The following STK39 variants were observed in gnomAD, a reference collection of about 807,000 sequenced individuals.
STK39 encodes the protein STE20/SPS1-related proline-alanine-rich protein kinase.
STK39 carries 20 observed loss-of-function variants against 77.8 expected under a neutral mutation model. That is an observed-to-expected ratio of 0.26 (90% CI 0.18 to 0.37). The LOEUF is 0.37. Among genes scored for constraint, STK39 ranks in the 10% least tolerant of loss-of-function variants. The probability of loss-of-function intolerance (pLI) is 1.00; values close to 1 mark genes in which losing one functional copy is unlikely to be tolerated. For missense variants in STK39, 479 were observed against 656.5 expected, an observed-to-expected ratio of 0.73 and a Z score of 2.95; for synonymous variants, 246 against 234.1, an observed-to-expected ratio of 1.05 and a Z score of -0.47.
chr2:168,003,996 A>G (rs144830119), intron 16 of STK39, among the ~76,000 whole-genome samples: 4 of 152,364 alleles, frequency 2.6e-5, no homozygotes, highest in South Asian at 2.1e-4. Flanking sequence ...TGGATCACTC[A>G]TAACAGACTT....
At position 167,964,485 on chromosome 2, in the gene STK39, A is replaced by T. The variant is rs940764962; in HGVS notation, c.1563+177T>A. ...CTCATAGAAGAGGACACTTCCAGTC[A>T]CAATCAGAAAACGTTCCCTAACGCT... is the stretch of plus-strand genomic sequence containing the variant. On this transcript the variant is annotated intron_variant, in intron 17 of 17. Coordinates refer to ENST00000355999, the MANE Select transcript of STK39 (RefSeq NM_013233.3). 1.7e-5 allele frequency: 10 copies of T among 593,482 alleles called. No homozygotes were observed. The Admixed American group carries it at 2.8e-4, about 17-fold the overall frequency. The allele number at this position is 593,482 out of a possible 1,614,324, so 36.8% of individuals were successfully genotyped here. A position where few individuals can be genotyped will look rare whatever the true frequency, so the allele number is the denominator to read the frequency against.
chr2:168,244,884 T>C (rs1465771782), intron 1 of STK39, among the ~76,000 whole-genome samples: 1 of 152,184 alleles, frequency 6.6e-6, no homozygotes, highest in Non-Finnish European at 1.5e-5. Context: ...TTTCTTTTTT[T>C]CCACTAAACT....
Position 168,138,082 on chromosome 2 carries a change from A to G in STK39, c.974+6T>C. The G allele has an allele frequency of 6.2e-7, 1 of 1,613,112 alleles. No individual in the cohort carries two copies. Among genetic ancestry groups the G allele is most frequent in the Non-Finnish European group, 8.5e-7 (1 of 1,179,480 alleles). On this transcript the variant is annotated splice_donor_region_variant and intron_variant, in intron 8 of 17. Transcript: ENST00000355999. ...GTCATTAACTCATCCACTAAGTTTC[A>G]CTTACCTTTTGGAAGGATCTTTCTG...
In STK39 at chr2:168,139,973, G is replaced by T. The variant is rs76765578; in HGVS notation, c.840+316C>A. ...TATAATCTATTTTGAGATATTCTCT[G>T]GGAACCTGGCGTTGTTCTGCTATCA... On this transcript the variant is annotated intron_variant, in intron 7 of 17. Transcript: ENST00000355999. Among the ~76,000 whole-genome samples, 8 of 152,208 alleles carry T rather than the reference G, an allele frequency of 5.3e-5. No individual in the cohort carries two copies. The East Asian group carries it at 1.2e-3, about 22-fold the overall frequency.
chr2:168,049,927 G>C (rs114669768), intron 14 of STK39, among the ~76,000 whole-genome samples: 4,527 of 152,242 alleles, frequency 0.03, 103 homozygotes, highest in Middle Eastern at 0.1. Flanking sequence ...TAAAGGAGGG[G>C]GCTACATGGG....
At chr2:168,068,567 G>A (rs1429036151) in intron 12 of STK39, among the ~76,000 whole-genome samples, 1 of 152,172 alleles carries the variant, frequency 6.6e-6, no homozygotes, top group East Asian at 1.9e-4. Context: ...TCAACAGTGG[G>A]GGAGATTGCA....
At chr2:168,072,185 A>G (rs1159978113) in intron 12 of STK39, among the ~76,000 whole-genome samples, 2 of 152,246 alleles carry the variant, frequency 1.3e-5, no homozygotes, top group Non-Finnish European at 2.9e-5. Flanking sequence ...TTCATGTTTT[A>G]AAAATGACAC....
At chr2:168,190,142 C>A (rs1448112554) in intron 1 of STK39, among the ~76,000 whole-genome samples, 1 of 152,132 alleles carries the variant, frequency 6.6e-6, no homozygotes, top group Non-Finnish European at 1.5e-5. Flanking sequence ...AGAATCAGCC[C>A]TTCCACCTAG....
chr2:168,179,087 CAAG>C (rs1689020541), intron 2 of STK39, among the ~76,000 whole-genome samples: 1 of 152,044 alleles, frequency 6.6e-6, no homozygotes, highest in Non-Finnish European at 1.5e-5. Context: ...AACACTCTCA[CAAG>C]AAGAGATCCC....
At chr2:167,978,781 G>C (rs537698498) in intron 16 of STK39, among the ~76,000 whole-genome samples, 2 of 151,912 alleles carry the variant, frequency 1.3e-5, no homozygotes, top group Non-Finnish European at 2.9e-5. Context: ...TTCCTGATCC[G>C]CTGCCTTCTC....
intron 1 of STK39, among the ~76,000 whole-genome samples, chr2:168,194,086 T>C (rs1171579707): frequency 6.6e-6 from 1 of 152,092 alleles, no homozygotes; most frequent in Non-Finnish European, 1.5e-5. Flanking sequence ...CAAAGAATAA[T>C]AATTCAGAAA....
chr2:168,160,672 G>A (rs1328872822), intron 5 of STK39, among the ~76,000 whole-genome samples: 2 of 152,186 alleles, frequency 1.3e-5, no homozygotes, highest in African/African-American at 4.8e-5. Context: ...CAGCTACTAA[G>A]TGGTGGCCTC....
At chr2:168,209,573 G>A (rs1024730669) in intron 1 of STK39, among the ~76,000 whole-genome samples, 5 of 152,126 alleles carry the variant, frequency 3.3e-5, no homozygotes, top group East Asian at 1.9e-4. Context: ...CTACTTACTC[G>A]GTTGGCTGGG....
At chr2:167,976,998 G>A (rs1683292236) in intron 16 of STK39, among the ~76,000 whole-genome samples, 1 of 152,196 alleles carries the variant, frequency 6.6e-6, no homozygotes, top group South Asian at 2.1e-4. Flanking sequence ...AGACTAAAAT[G>A]TCAAACAGTC....
intron 2 of STK39, among the ~76,000 whole-genome samples, chr2:168,175,160 C>T (rs944834104): frequency 2.2e-4 from 33 of 152,128 alleles, no homozygotes; most frequent in African/African-American, 7.7e-4. Context: ...ATGGAAATAA[C>T]GAAACCAAAA....
chr2:167,980,315 G>A (rs924270899), intron 16 of STK39, among the ~76,000 whole-genome samples: 3 of 152,136 alleles, frequency 2.0e-5, no homozygotes, highest in African/African-American at 7.2e-5. Context: ...CAAAGGAAAA[G>A]AAAAGGCAAC....
At chr2:167,958,466 G>A (rs1406908735) in intron 17 of STK39, among the ~76,000 whole-genome samples, 2 of 151,862 alleles carry the variant, frequency 1.3e-5, no homozygotes, top group Non-Finnish European at 2.9e-5. Flanking sequence ...AATCTTCATG[G>A]AAAATAACCA....
chr2:168,110,745 T>G (rs1204359967), intron 10 of STK39, among the ~76,000 whole-genome samples: 1 of 152,232 alleles, frequency 6.6e-6, no homozygotes, highest in Non-Finnish European at 1.5e-5. Flanking sequence ...TGAGTTACAC[T>G]GTATATTCTT....
intron 3 of STK39, among the ~76,000 whole-genome samples, chr2:168,164,756 TAAAC>T (rs772200341): frequency 6.6e-5 from 10 of 152,166 alleles, no homozygotes; most frequent in Non-Finnish European, 1.3e-4. Context: ...ACACTTACAA[TAAAC>T]AAACAGATAC....
Sources: allele counts gnomAD v4.1 joint callset (sites outside exome capture counted in the v4.1 genomes callset), GRCh38; gene constraint gnomAD v4.1.1; transcripts MANE v1.5; gene names NCBI Gene and HGNC (gene_info 2026-07-23, HGNC 2026-07-21).